ASIC2: variants seen among roughly 807,000 people sequenced by gnomAD.
The protein encoded by ASIC2 is acid-sensing ion channel 2.
In ASIC2, 25 loss-of-function variants were observed where a neutral mutation model predicts 57.3. The observed-to-expected ratio is 0.44, with a 90% CI of 0.32 to 0.61. The LOEUF (loss-of-function observed/expected upper bound fraction) is 0.61. ASIC2 is among the 20% of genes least tolerant of loss of function. The pLI, the probability that ASIC2 is intolerant of heterozygous loss-of-function variation, is 0.06. For synonymous variants in ASIC2, 319 were observed against 307.5 expected, an observed-to-expected ratio of 1.04 and a Z score of -0.39; for missense variants, 641 against 738.1, an observed-to-expected ratio of 0.87 and a Z score of 1.52.
chr17:33,713,347 C>G (rs1349574148), intron 1 of ASIC2, among the ~76,000 whole-genome samples: 1 of 152,180 alleles, frequency 6.6e-6, no homozygotes, highest in Non-Finnish European at 1.5e-5. Flanking sequence ...ACAGGATCAC[C>G]CTCTTTCTGA....
chr17:33,661,405 A>G (rs990088599), intron 1 of ASIC2, among the ~76,000 whole-genome samples: 6 of 152,206 alleles, frequency 3.9e-5, no homozygotes, highest in South Asian at 2.1e-4. Flanking sequence ...GGGCTGCCCC[A>G]TTGCACAATA....
intron 1 of ASIC2, among the ~76,000 whole-genome samples, chr17:33,694,629 C>T (rs188257677): frequency 6.6e-6 from 1 of 152,152 alleles, no homozygotes; most frequent in Non-Finnish European, 1.5e-5. Flanking sequence ...GGAAGAGACC[C>T]AGTCAAGCTA....
At chr17:33,625,225 G>A (rs377699416) in intron 1 of ASIC2, among the ~76,000 whole-genome samples, 2 of 149,278 alleles carry the variant, frequency 1.3e-5, no homozygotes, top group South Asian at 2.1e-4. Flanking sequence ...CTATCTATCT[G>A]TCTATCTATC....
intron 1 of ASIC2, among the ~76,000 whole-genome samples, chr17:33,173,053 C>T (rs1451683591): frequency 6.6e-6 from 1 of 152,158 alleles, no homozygotes; most frequent in Non-Finnish European, 1.5e-5. Flanking sequence ...CTCCCTTCCC[C>T]ATGGAGATAC....
chr17:33,685,248 C>T (rs1180042063), intron 1 of ASIC2, among the ~76,000 whole-genome samples: 2 of 152,214 alleles, frequency 1.3e-5, no homozygotes, highest in African/African-American at 4.8e-5. Flanking sequence ...TCCTTCACCC[C>T]TGGAGTGGTC....
At chr17:34,069,318 C>T (rs1159662301) in intron 1 of ASIC2, 1 of 97,682 alleles carries the variant, frequency 1.0e-5, no homozygotes, top group Non-Finnish European at 2.7e-5. Context: ...TCCTTTCTTC[C>T]TTTCCTCTCT....
At chr17:33,611,457 C>T (rs1905408824) in intron 1 of ASIC2, among the ~76,000 whole-genome samples, 1 of 152,190 alleles carries the variant, frequency 6.6e-6, no homozygotes, top group Non-Finnish European at 1.5e-5. Flanking sequence ...TCAGTTGTTG[C>T]TGATAACAAA....
At chr17:33,647,516 G>A (rs1906781413) in intron 1 of ASIC2, among the ~76,000 whole-genome samples, 1 of 152,202 alleles carries the variant, frequency 6.6e-6, no homozygotes, top group African/African-American at 2.4e-5. Flanking sequence ...GTAGCTTGCA[G>A]TAGGGAGGTC....
intron 1 of ASIC2, among the ~76,000 whole-genome samples, chr17:33,639,830 G>C (rs867730401): frequency 9.9e-5 from 15 of 150,822 alleles, no homozygotes; most frequent in Non-Finnish European, 1.3e-4. Context: ...GCCAGTATTC[G>C]GCAGAACTTA....
At position 33,968,836 on chromosome 17, in the gene ASIC2, C is replaced by G. The variant is rs1905144680; in HGVS notation, c.555+187142G>C. Among the ~76,000 whole-genome samples, 5 of 152,234 alleles carry G rather than the reference C, an allele frequency of 3.3e-5. No homozygotes were observed. The South Asian group carries it at 1.0e-3, about 31-fold the overall frequency. ...TGGCAAGATGACTCAGCAAAGATGT[C>G]AAGTCAACAACAGGGAGCTGGCCTG... On this transcript the variant is annotated intron_variant, in intron 1 of 9. Transcript: ENST00000359872.
intron 1 of ASIC2, among the ~76,000 whole-genome samples, chr17:33,321,541 C>T (rs1168688168): frequency 6.6e-6 from 1 of 152,128 alleles, no homozygotes; most frequent in South Asian, 2.1e-4. Flanking sequence ...AATACTTATT[C>T]CTATGTAGTA....
chr17:33,954,301 G>A (rs1003286476), intron 1 of ASIC2, among the ~76,000 whole-genome samples: 1 of 152,122 alleles, frequency 6.6e-6, no homozygotes, highest in African/African-American at 2.4e-5. Flanking sequence ...CAGGAGTGTG[G>A]TATCTGTGAC....
chr17:34,146,122 A>G (rs1912410556), intron 1 of ASIC2, among the ~76,000 whole-genome samples: 1 of 152,132 alleles, frequency 6.6e-6, no homozygotes, highest in Non-Finnish European at 1.5e-5. Context: ...TGGGCAAACA[A>G]CTCTAAGGGG....
chr17:33,077,148 C>T (rs1410782460), intron 3 of ASIC2, among the ~76,000 whole-genome samples: 1 of 151,912 alleles, frequency 6.6e-6, no homozygotes, highest in African/African-American at 2.4e-5. Context: ...TCTGTGGTCC[C>T]CTTGGCTCTC....
intron 1 of ASIC2, among the ~76,000 whole-genome samples, chr17:33,546,761 A>G (rs781359074): frequency 1.3e-5 from 2 of 152,098 alleles, no homozygotes; most frequent in African/African-American, 4.8e-5. Context: ...GGGGCTTGAA[A>G]CATTTCTCTC....
rs1161141315 is a variant in ASIC2 at position 33,418,028 on chromosome 17, ATGTGTGTGTGTG to A, written c.556-305973_556-305962del. ...CCACTCTGGCTCTCAGCATGTATGT[ATGTGTGTGTGTG>A]TGTGTGTGTGTGTGTGTGTGTGTGT... On this transcript the variant is annotated intron_variant, in intron 1 of 9. Coordinates refer to the ASIC2 transcript ENST00000359872. Among the ~76,000 whole-genome samples, 17 of 67,752 alleles carry A rather than the reference ATGTGTGTGTGTG, an allele frequency of 2.5e-4. 1 individual carries two copies. The highest frequency in any genetic ancestry group is 3.7e-4 in the African/African-American group (10 of 26,946). 44.4% of individuals were successfully genotyped at this position (67,752 alleles called of 152,430 possible).
chr17:34,040,153 C>T (rs1191561396), intron 1 of ASIC2, among the ~76,000 whole-genome samples: 1 of 85,756 alleles, frequency 1.2e-5, no homozygotes, highest in South Asian at 3.2e-4. Context: ...CGGGACCGGC[C>T]TCCTGGCGCC....
intron 1 of ASIC2, among the ~76,000 whole-genome samples, chr17:33,382,753 C>T (rs916723156): frequency 2.0e-5 from 3 of 152,194 alleles, no homozygotes; most frequent in Non-Finnish European, 2.9e-5. Context: ...GCAGGGACTG[C>T]GTCATCTTCA....
At chr17:33,056,542 C>A (rs2091998792) in intron 3 of ASIC2, among the ~76,000 whole-genome samples, 1 of 152,164 alleles carries the variant, frequency 6.6e-6, no homozygotes, top group Non-Finnish European at 1.5e-5. Flanking sequence ...TTCCAAGCTC[C>A]TTATACCCTG....
Sources: allele counts gnomAD v4.1 joint callset (sites outside exome capture counted in the v4.1 genomes callset), GRCh38; gene constraint gnomAD v4.1.1; transcripts MANE v1.5; gene names NCBI Gene and HGNC (gene_info 2026-07-23, HGNC 2026-07-21).